The following MARCHF1 variants were observed in gnomAD, a reference collection of about 807,000 sequenced individuals.
MARCHF1 encodes the protein membrane associated ring-CH-type finger 1, also known as E3 ubiquitin-protein ligase MARCHF1.
In MARCHF1, 40 loss-of-function variants were observed where a neutral mutation model predicts 54.2. The ratio of observed to expected loss-of-function variants is 0.74; its 90% confidence interval spans 0.57 to 0.96. The LOEUF is 0.96. MARCHF1 is among the 40% of genes least tolerant of loss of function. The pLI, the probability that MARCHF1 is intolerant of heterozygous loss-of-function variation, is 0.00. For missense variants in MARCHF1, 586 were observed against 656.5 expected (o/e 0.89, Z 1.17); for synonymous variants, 236 against 236.3 (o/e 1.00, Z 0.01).
intron 4 of MARCHF1, among the ~76,000 whole-genome samples, chr4:163,836,131 T>C (rs1042879761): frequency 5.9e-5 from 9 of 152,182 alleles, no homozygotes; most frequent in Non-Finnish European, 1.3e-4. Flanking sequence ...TGGAGCCCTC[T>C]AGAATAAACA....
chr4:164,136,142 G>A (rs1756397116), intron 1 of MARCHF1, among the ~76,000 whole-genome samples: 1 of 151,114 alleles, frequency 6.6e-6, no homozygotes, highest in Non-Finnish European at 1.5e-5. Flanking sequence ...GAGTGACGTT[G>A]ACATGATGGC....
At chr4:164,095,444 TAGTCA>T (rs1004217578) in intron 2 of MARCHF1, among the ~76,000 whole-genome samples, 19 of 151,740 alleles carry the variant, frequency 1.3e-4, no homozygotes, top group African/African-American at 3.1e-4. Context: ...ACACCAACCT[TAGTCA>T]AGTCATTTTC....
intron 4 of MARCHF1, among the ~76,000 whole-genome samples, chr4:163,704,007 C>T (rs761920966): frequency 7.3e-5 from 11 of 151,420 alleles, no homozygotes; most frequent in Non-Finnish European, 1.3e-4. Context: ...TCTGTCCTAA[C>T]AATACACAAC....
intron 7 of MARCHF1, among the ~76,000 whole-genome samples, chr4:163,589,990 A>G (rs1197153045): frequency 6.6e-6 from 1 of 151,822 alleles, no homozygotes; most frequent in Non-Finnish European, 1.5e-5. Context: ...TTACTTTTAC[A>G]TTATTTCTAG....
chr4:163,667,615 CCATT>C (rs1439390976), intron 5 of MARCHF1, among the ~76,000 whole-genome samples: 2 of 151,884 alleles, frequency 1.3e-5, no homozygotes, highest in African/African-American at 4.8e-5. Context: ...TGCATAATGT[CCATT>C]ATTATACAAA....
chr4:164,238,617 A>C (rs577159106), intron 1 of MARCHF1, among the ~76,000 whole-genome samples: 3 of 151,998 alleles, frequency 2.0e-5, no homozygotes, highest in Non-Finnish European at 4.4e-5. Flanking sequence ...TATGTTTTTA[A>C]TAAAATATGG....
intron 5 of MARCHF1, among the ~76,000 whole-genome samples, chr4:163,694,283 T>C (rs1467508815): frequency 6.6e-6 from 1 of 152,156 alleles, no homozygotes; most frequent in Non-Finnish European, 1.5e-5. Flanking sequence ...ACACATCTCC[T>C]TTGGCTTCTG....
chr4:163,598,784 G>A (rs1740853816), intron 7 of MARCHF1, among the ~76,000 whole-genome samples: 1 of 152,018 alleles, frequency 6.6e-6, no homozygotes, highest in African/African-American at 2.4e-5. Flanking sequence ...TATAAATACT[G>A]TACACTTGGA....
At chr4:164,245,744 C>T (rs1337691507) in intron 1 of MARCHF1, among the ~76,000 whole-genome samples, 1 of 147,826 alleles carries the variant, frequency 6.8e-6, no homozygotes, top group Non-Finnish European at 1.5e-5. Flanking sequence ...TAAGCAACTT[C>T]AGCAAAGTCT....
Position 163,944,132 on chromosome 4 carries a change from AATT to A in MARCHF1, c.-39+44366_-39+44368del, listed in dbSNP as rs1270297845. ...CAGGCACCTGTCACTGCACCGGGCT[AATT>A]TTTTTTTTTTTTTTTTTTTTGTATT... On this transcript the variant is annotated intron_variant, in intron 3 of 9. Transcript: ENST00000514618. 1.2e-3 allele frequency among the ~76,000 whole-genome samples: 69 copies of A among 58,782 alleles called. 1 individual carries two copies. In the East Asian group the frequency reaches 0.017, roughly 15 times the overall value. The allele number at this position is 58,782 out of a possible 152,430, so 38.6% of individuals were successfully genotyped here.
At chr4:163,836,855 T>C (rs964354098) in intron 4 of MARCHF1, among the ~76,000 whole-genome samples, 5 of 151,500 alleles carry the variant, frequency 3.3e-5, no homozygotes, top group African/African-American at 1.2e-4. Flanking sequence ...ATTAGCCCCC[T>C]GGAAGCCTCA....
chr4:163,917,788 G>C (rs1408961663), intron 3 of MARCHF1, among the ~76,000 whole-genome samples: 1 of 152,038 alleles, frequency 6.6e-6, no homozygotes, highest in Non-Finnish European at 1.5e-5. Flanking sequence ...ACCGCTTATA[G>C]ATTCTAGATA....
intron 7 of MARCHF1, among the ~76,000 whole-genome samples, chr4:163,611,743 A>G (rs993631359): frequency 6.6e-6 from 1 of 152,058 alleles, no homozygotes; most frequent in Non-Finnish European, 1.5e-5. Context: ...GGCTCTTGCA[A>G]CCCCACTGAT....
At chr4:164,187,896 C>G (rs1048612965) in intron 1 of MARCHF1, among the ~76,000 whole-genome samples, 1 of 152,080 alleles carries the variant, frequency 6.6e-6, no homozygotes, top group Non-Finnish European at 1.5e-5. Context: ...TTTTTTGACT[C>G]TTTAAATCTC....
chr4:163,628,147 A>G (rs924389237), intron 5 of MARCHF1, among the ~76,000 whole-genome samples: 1 of 152,186 alleles, frequency 6.6e-6, no homozygotes, highest in Non-Finnish European at 1.5e-5. Context: ...TGCAAAGTGC[A>G]CATTAAATAA....
At chr4:163,564,844 A>G (rs1006781992) in intron 8 of MARCHF1, among the ~76,000 whole-genome samples, 10 of 151,546 alleles carry the variant, frequency 6.6e-5, no homozygotes, top group Admixed American at 5.9e-4. Flanking sequence ...TAAATCAACC[A>G]CTCAGCAGCG....
chr4:163,704,129 T>A (rs1250091720), intron 4 of MARCHF1, among the ~76,000 whole-genome samples: 14 of 148,666 alleles, frequency 9.4e-5, no homozygotes, highest in Admixed American at 1.3e-4. Flanking sequence ...GAAAAAAAAA[T>A]AAATATTTCT....
Position 163,837,098 on chromosome 4 carries a change from C to A in MARCHF1, c.111+16923G>T, listed in dbSNP as rs368114891. ...GTGCCTAACATAAATAAGGACACAC[C>A]ACTAATTTTTGGTGGATTCAGAATC... is the stretch of plus-strand genomic sequence containing the variant. On this transcript the variant is annotated intron_variant, in intron 4 of 9. Coordinates refer to ENST00000514618, the MANE Select transcript of MARCHF1 (RefSeq NM_001394959.1). Among the ~76,000 whole-genome samples, 277 of 152,032 alleles carry A rather than the reference C, an allele frequency of 1.8e-3. 1 individual carries two copies. Among genetic ancestry groups the A allele is most frequent in the African/African-American group, 6.4e-3 (267 of 41,458 alleles).
intron 1 of MARCHF1, among the ~76,000 whole-genome samples, chr4:164,148,289 C>T (rs897468024): frequency 6.6e-6 from 1 of 152,072 alleles, no homozygotes; most frequent in Non-Finnish European, 1.5e-5. Flanking sequence ...TTCTTGAATA[C>T]AATTCCAAAA....
Sources: gnomAD v4.1 joint callset for allele counts (sites outside exome capture counted in the v4.1 genomes callset) on GRCh38, gnomAD v4.1.1 for gene constraint, MANE v1.5 for transcripts, NCBI Gene and HGNC (gene_info 2026-07-23, HGNC 2026-07-21) for gene names.